The following FANCB variants were observed in gnomAD, a reference collection of about 807,000 sequenced individuals.
The protein encoded by FANCB is Fanconi anemia group B protein.
In FANCB, 5 loss-of-function variants were observed where a neutral mutation model predicts 38.9. That is an observed-to-expected ratio of 0.13 (90% CI 0.07 to 0.27). FANCB has a LOEUF of 0.27. Ranked by LOEUF, FANCB falls within the 10% of genes least tolerant of loss-of-function variation. FANCB has a pLI of 1.00. For missense variants in FANCB, 573 were observed against 602.7 expected, an observed-to-expected ratio of 0.95 and a Z score of 0.52; for synonymous variants, 236 against 215.4, an observed-to-expected ratio of 1.10 and a Z score of -0.84.
the FANCB span, among the ~76,000 whole-genome samples, chrX:14,803,271 A>G: frequency 1.8e-5 from 2 of 112,148 alleles, no homozygotes; most frequent in African/African-American, 3.2e-5. Flanking sequence ...CAGTTTGTAT[A>G]CACAAAAAGA....
At chrX:14,730,951 A>ATT in the FANCB span, 1 of 97,716 alleles carries the variant, frequency 1.0e-5, no homozygotes, top group African/African-American at 4.3e-5. Context: ...CACACACACA[A>ATT]ACTTCAAAAA....
chrX:14,731,666 TTAAG>T, the FANCB span: 3 of 111,675 alleles, frequency 2.7e-5, no homozygotes, highest in African/African-American at 9.8e-5. Flanking sequence ...GCTACATGTT[TTAAG>T]TAAGAAAAAA....
At chrX:14,845,910 G>A (rs1468429091) in intron 7 of FANCB, among the ~76,000 whole-genome samples, 1 of 111,628 alleles carries the variant, frequency 9.0e-6, no homozygotes. Flanking sequence ...AGTTTATCAA[G>A]TAAAACAGGT....
At chrX:14,834,474 A>G, downstream of FANCB, 1 of 495,815 alleles carries the variant, frequency 2.0e-6, no homozygotes, top group South Asian at 2.3e-5. Flanking sequence ...TATTTTCTTA[A>G]AGAGACTTCC....
the FANCB span, among the ~76,000 whole-genome samples, chrX:14,800,418 A>C: frequency 9.0e-6 from 1 of 111,725 alleles, no homozygotes; most frequent in Admixed American, 9.5e-5. Context: ...AATTGCCAGC[A>C]ACCGCCACAA....
chrX:14,865,077 C>G lies in FANCB; in HGVS notation c.434G>C (p.Arg145Thr), dbSNP rs2092463473. The G allele has an allele frequency of 2.5e-6, 3 of 1,210,479 alleles. No homozygotes were observed. The highest frequency in any genetic ancestry group is 3.4e-6 in the Non-Finnish European group (3 of 894,916). The change falls in exon 3 of 10, where the codon AGG becomes ACG. Residue 145 changes from arginine to threonine, a missense_variant. Transcript: ENST00000650831. ...RVLNGPLILW[R>T]HVKAFFFISS... ...GATAAAGAAGAATGCTTTGACATGC[C>G]TCCATAAAATTAAAGGGCCATTAAG...
chrX:14,760,408 G>A, the FANCB span, among the ~76,000 whole-genome samples: 3 of 111,876 alleles, frequency 2.7e-5, no homozygotes, highest in Admixed American at 9.5e-5. Context: ...GGGTAGTGGG[G>A]AAAGGATGAT....
the FANCB span, among the ~76,000 whole-genome samples, chrX:14,705,479 T>C: frequency 1.8e-5 from 2 of 111,743 alleles, no homozygotes; most frequent in African/African-American, 3.3e-5. Context: ...CAAAGAATCA[T>C]CTGACCCGAA....
chrX:14,869,138 A>C (rs1432107971), intron 1 of FANCB, 95 bp from the exon 2 acceptor site: 1 of 112,017 alleles, frequency 8.9e-6, no homozygotes, highest in African/African-American at 3.2e-5. Context: ...GGTTTCCTAG[A>C]TTTCTAGAAA....
At chrX:14,754,457 C>G in the FANCB span, among the ~76,000 whole-genome samples, 1,579 of 112,066 alleles carry the variant, frequency 0.014, 25 homozygotes, top group African/African-American at 0.042. Flanking sequence ...AGATGAAAAT[C>G]TATTACGAAA....
chrX:14,752,511 T>C, the FANCB span, among the ~76,000 whole-genome samples: 2 of 112,477 alleles, frequency 1.8e-5, no homozygotes, highest in Admixed American at 9.4e-5. Flanking sequence ...TTAAGACATA[T>C]AGTATGACCA....
downstream of FANCB, chrX:14,834,560 C>T: frequency 5.8e-6 from 3 of 514,408 alleles, no homozygotes; most frequent in Non-Finnish European, 1.0e-5. Context: ...ATGAACTTGG[C>T]TTCCCTTTGG....
At chrX:14,848,266 G>A (rs1256706975) in intron 7 of FANCB, among the ~76,000 whole-genome samples, 2 of 112,242 alleles carry the variant, frequency 1.8e-5, no homozygotes, top group Non-Finnish European at 3.8e-5. Context: ...AACAGCGCGT[G>A]ATGTGCTTCC....
the FANCB span, among the ~76,000 whole-genome samples, chrX:14,773,434 TAGG>T: frequency 1.8e-5 from 2 of 111,510 alleles, no homozygotes; most frequent in Admixed American, 9.5e-5. Flanking sequence ...TGGGAGAATC[TAGG>T]AGATTTAGAA....
the FANCB span, among the ~76,000 whole-genome samples, chrX:14,759,055 C>T: frequency 9.0e-6 from 1 of 111,595 alleles, no homozygotes; most frequent in African/African-American, 3.3e-5. Flanking sequence ...AAAGAACACA[C>T]TTAGAGAAAT....
chrX:14,758,099 C>T, the FANCB span, among the ~76,000 whole-genome samples: 970 of 110,970 alleles, frequency 8.7e-3, 21 homozygotes, highest in Admixed American at 0.083. Context: ...CCCATTTCCG[C>T]GGTACAGCTT....
chrX:14,756,033 C>G, the FANCB span, among the ~76,000 whole-genome samples: 1 of 111,783 alleles, frequency 8.9e-6, no homozygotes, highest in Non-Finnish European at 1.9e-5. Flanking sequence ...ATACTTACAG[C>G]CAACTGATTT....
the FANCB span, among the ~76,000 whole-genome samples, chrX:14,735,801 C>T: frequency 1.3e-5 from 1 of 75,044 alleles, no homozygotes; most frequent in Non-Finnish European, 2.5e-5. Flanking sequence ...AGCTGGCAGG[C>T]AGGAACATTT....
chrX:14,836,524 T>C (rs1449315802), intron 10 of FANCB, among the ~76,000 whole-genome samples: 1 of 112,421 alleles, frequency 8.9e-6, no homozygotes, highest in Non-Finnish European at 1.9e-5. Flanking sequence ...ACAAATCTTA[T>C]TTCTAAAAAG....
Sources: gnomAD v4.1 joint callset for allele counts (sites outside exome capture counted in the v4.1 genomes callset) on GRCh38, gnomAD v4.1.1 for gene constraint, MANE v1.5 for transcripts, NCBI Gene and HGNC (gene_info 2026-07-23, HGNC 2026-07-21) for gene names.